SANBR: variants seen among roughly 807,000 people sequenced by gnomAD.
SANBR encodes the protein SANT and BTB domain regulator of class switch recombination.
A neutral mutation model predicts 101.8 loss-of-function variants in SANBR; 77 were observed. The observed-to-expected ratio is 0.76, with a 90% CI of 0.63 to 0.91. SANBR has a LOEUF of 0.91. Ranked by LOEUF, SANBR falls within the 40% of genes least tolerant of loss-of-function variation. The pLI is 0.00. For missense variants in SANBR, 875 were observed against 853.0 expected (o/e 1.03, Z -0.32); for synonymous variants, 279 against 274.7 (o/e 1.02, Z -0.15).
At chr2:61,125,035 A>G (rs1050746940), downstream of SANBR, among the ~76,000 whole-genome samples, 3 of 152,220 alleles carry the variant, frequency 2.0e-5, no homozygotes, top group Admixed American at 6.5e-5. Context: ...ACTGTGTCAC[A>G]CTTCTCAGGA....
At chr2:61,093,806 A>T (rs1682895573) in intron 11 of SANBR, among the ~76,000 whole-genome samples, 1 of 152,182 alleles carries the variant, frequency 6.6e-6, no homozygotes, top group Non-Finnish European at 1.5e-5. Context: ...TTGTTCCCAA[A>T]AAGTTTTTGT....
chr2:61,113,315 G>A (rs1177264), intron 16 of SANBR, among the ~76,000 whole-genome samples: 1 of 151,946 alleles, frequency 6.6e-6, no homozygotes, highest in Non-Finnish European at 1.5e-5. Flanking sequence ...TTCAAGGTAC[G>A]TTGCATTTTC....
intron 6 of SANBR, 147 bp from the exon 7 acceptor site, chr2:61,081,300 CTTTAT>C: frequency 1.2e-5 from 8 of 672,110 alleles, no homozygotes; most frequent in Non-Finnish European, 1.8e-5. Context: ...ATTGAATTTT[CTTTAT>C]TTTATGTATC....
chr2:61,075,342 G>C (rs867904585), intron 5 of SANBR, among the ~76,000 whole-genome samples: 1 of 152,116 alleles, frequency 6.6e-6, no homozygotes, highest in Admixed American at 6.5e-5. Flanking sequence ...ACTGGAGCTT[G>C]ACCTCCCTGG....
At chr2:61,083,102 A>C in intron 7 of SANBR, 52 bp from the exon 8 acceptor site, 1 of 1,323,076 alleles carries the variant, frequency 7.6e-7, no homozygotes, top group East Asian at 2.3e-5. Context: ...TATTGCTATG[A>C]CATTGTCCTT....
chr2:61,088,643 C>CTCAGGAAG, intron 10 of SANBR, 175 bp downstream of exon 10: 1 of 400,716 alleles, frequency 2.5e-6, no homozygotes, highest in Non-Finnish European at 4.3e-6. Flanking sequence ...GCCTCAGCTT[C>CTCAGGAAG]CTGAGAAGCT....
rs141814134 is a variant in SANBR at position 61,074,613 on chromosome 2, G to A, written c.431+1062G>A. Among the ~76,000 whole-genome samples the A allele has an allele frequency of 3.0e-3, 463 of 152,044 alleles. 1 individual carries two copies. Among genetic ancestry groups the A allele is most frequent in the African/African-American group, 9.5e-3 (396 of 41,482 alleles). Reference sequence around the variant, plus strand: ...GAGATGGACTTTCGCCATGGTGGCCGGCCTGGTCTTGAACTCCTGGCCTCA... The same window carrying A: ...GAGATGGACTTTCGCCATGGTGGCCAGCCTGGTCTTGAACTCCTGGCCTCA... On this transcript the variant is annotated intron_variant, in intron 5 of 21. Transcript: ENST00000402291.
chr2:61,109,426 G>A (rs946174168), intron 16 of SANBR, 130 bp downstream of exon 16: 13 of 460,922 alleles, frequency 2.8e-5, no homozygotes, highest in Non-Finnish European at 4.7e-5. Flanking sequence ...AAAATTGAAA[G>A]GAGACACCAT....
intron 5 of SANBR, among the ~76,000 whole-genome samples, chr2:61,074,412 T>G (rs1227703406): frequency 1.3e-5 from 2 of 152,214 alleles, no homozygotes; most frequent in Non-Finnish European, 2.9e-5. Flanking sequence ...GACACAGTCT[T>G]GGAGGTTTTC....
intron 16 of SANBR, among the ~76,000 whole-genome samples, chr2:61,109,666 GT>G (rs1321967927): frequency 2.2e-4 from 26 of 120,804 alleles, no homozygotes; most frequent in Admixed American, 1.6e-3. Context: ...TGGAAAGCAT[GT>G]TTTTTTTGTG....
intron 19 of SANBR, among the ~76,000 whole-genome samples, chr2:61,117,800 T>A (rs1304219203): frequency 6.6e-6 from 1 of 152,212 alleles, no homozygotes; most frequent in African/African-American, 2.4e-5. Context: ...GATGACTGAA[T>A]ATGTTTTAGG....
At chr2:61,107,518 A>G (rs1318321482) in intron 14 of SANBR, among the ~76,000 whole-genome samples, 1 of 152,164 alleles carries the variant, frequency 6.6e-6, no homozygotes, top group Non-Finnish European at 1.5e-5. Flanking sequence ...TTGCCTATGA[A>G]TGTTCTGTCT....
In SANBR at chr2:61,081,360, C is replaced by T. The variant is rs547122328; in HGVS notation, c.671-92C>T. 8 of 1,200,382 alleles carry T rather than the reference C, an allele frequency of 6.7e-6. No homozygotes were observed. The East Asian group carries it at 2.2e-4, about 33-fold the overall frequency. 74.4% of individuals were successfully genotyped at this position (1,200,382 alleles called of 1,614,324 possible). A position where few individuals can be genotyped will look rare whatever the true frequency, so the allele number is the denominator to read the frequency against. On this transcript the variant is annotated intron_variant, in intron 6 of 21. Coordinates refer to ENST00000402291, the MANE Select transcript of SANBR (RefSeq NM_001129993.3). Reference sequence around the variant, plus strand: ...AGATTGTATTAAATTATTCTTATTCCAGTAATGTCCTCTTTTAAGGTAAGA... The same window carrying T: ...AGATTGTATTAAATTATTCTTATTCTAGTAATGTCCTCTTTTAAGGTAAGA...
At chr2:61,120,472 C>T (rs1007608629) in intron 20 of SANBR, among the ~76,000 whole-genome samples, 1 of 152,188 alleles carries the variant, frequency 6.6e-6, no homozygotes. Flanking sequence ...TGCACTCTAG[C>T]CTGGGCAACA....
At chr2:61,076,749 A>C (rs1483514963) in intron 5 of SANBR, among the ~76,000 whole-genome samples, 171 bp from the exon 6 acceptor site, 2 of 152,224 alleles carry the variant, frequency 1.3e-5, no homozygotes, top group Non-Finnish European at 2.9e-5. Flanking sequence ...TCATAATCTA[A>C]GATATGATCA....
intron 21 of SANBR, among the ~76,000 whole-genome samples, chr2:61,137,110 C>T (rs1684875031): frequency 6.6e-6 from 1 of 151,462 alleles, no homozygotes; most frequent in Admixed American, 6.6e-5. Context: ...AGTGAGACTC[C>T]ATTTCTACAA....
chr2:61,133,531 T>C (rs1306727820), intron 20 of SANBR, among the ~76,000 whole-genome samples: 2 of 151,914 alleles, frequency 1.3e-5, no homozygotes, highest in African/African-American at 4.8e-5. Context: ...GGAAGGAGGA[T>C]TGCTTGAGCC....
chr2:61,131,729 G>A (rs1684693634), intron 20 of SANBR, among the ~76,000 whole-genome samples: 1 of 152,160 alleles, frequency 6.6e-6, no homozygotes, highest in Admixed American at 6.6e-5. Context: ...ATTCAGAATA[G>A]CCAAAACAAT....
downstream of SANBR, among the ~76,000 whole-genome samples, chr2:61,124,477 A>ATTG (rs1481052955): frequency 6.6e-6 from 1 of 152,138 alleles, no homozygotes; most frequent in Non-Finnish European, 1.5e-5. Flanking sequence ...AGGCAGGAGG[A>ATTG]TTGCTTGAGC....
Sources: allele counts gnomAD v4.1 joint callset (sites outside exome capture counted in the v4.1 genomes callset), GRCh38; gene constraint gnomAD v4.1.1; transcripts MANE v1.5; gene names NCBI Gene and HGNC (gene_info 2026-07-23, HGNC 2026-07-21).